MCPH1: variants seen among roughly 807,000 people sequenced by gnomAD.
MCPH1 encodes the protein microcephalin 1.
MCPH1 carries 104 observed loss-of-function variants against 84.5 expected under a neutral mutation model. The ratio of observed to expected loss-of-function variants is 1.23; its 90% CI spans 1.05 to 1.45. MCPH1 has a LOEUF of 1.45. MCPH1 is among the 40% of genes most tolerant of loss of function. MCPH1 has a pLI of 0.00. For missense variants in MCPH1, 1,498 were observed against 1,005.7 expected (o/e 1.49, Z -6.62); for synonymous variants, 514 against 366.8 (o/e 1.40, Z -4.58).
intron 12 of MCPH1, among the ~76,000 whole-genome samples, chr8:6,603,131 C>T (rs1829498967): frequency 6.6e-6 from 1 of 152,060 alleles, no homozygotes; most frequent in Non-Finnish European, 1.5e-5. Context: ...TAAGAAAAGT[C>T]AAATCAGAAA....
intron 12 of MCPH1, among the ~76,000 whole-genome samples, chr8:6,571,589 T>C (rs1009194656): frequency 6.6e-6 from 1 of 152,194 alleles, no homozygotes; most frequent in African/African-American, 2.4e-5. Context: ...AAAATTTTTA[T>C]CTTAATTATT....
chr8:6,632,354 C>T (rs188654413), intron 13 of MCPH1, among the ~76,000 whole-genome samples: 215 of 152,158 alleles, frequency 1.4e-3, no homozygotes, highest in African/African-American at 4.9e-3. Flanking sequence ...TTATGTCTAT[C>T]AAACTTTTAA....
In MCPH1 at chr8:6,445,096, G is replaced by A; in HGVS notation, c.1374G>A (p.Met458Ile). Reference protein sequence around the residue: ...SKKERTSIFEMSDFSCVGKKT... With the variant: ...SKKERTSIFEISDFSCVGKKT... ...AGGAGAGAACAAGCATATTTGAAAT[G>A]TCTGATTTTTCCTGCGTTGGCAAAA... The change falls in exon 8 of 14, where the codon ATG becomes ATA. Residue 458 changes from methionine to isoleucine, a missense_variant. Physicochemically the swap from Met to Ile is conservative, Grantham distance 10. Transcript: ENST00000344683. The A allele has an allele frequency of 6.2e-7, 1 of 1,614,250 alleles. No individual in the cohort carries two copies. The highest frequency in any genetic ancestry group is 1.1e-5 in the South Asian group (1 of 91,092).
intron 12 of MCPH1, among the ~76,000 whole-genome samples, chr8:6,554,638 A>C (rs1009644786): frequency 1.3e-5 from 2 of 152,210 alleles, no homozygotes; most frequent in Non-Finnish European, 2.9e-5. Context: ...TTGTGGTGGT[A>C]AGTTGTCAGG....
chr8:6,416,026 T>G (rs1799237935), intron 3 of MCPH1, among the ~76,000 whole-genome samples: 1 of 152,240 alleles, frequency 6.6e-6, no homozygotes, highest in South Asian at 2.1e-4. Context: ...TAGGTTAAAT[T>G]TATTCCTAAC....
chr8:6,567,368 G>A (rs544705834), intron 12 of MCPH1, among the ~76,000 whole-genome samples: 14 of 152,182 alleles, frequency 9.2e-5, no homozygotes, highest in East Asian at 3.9e-4. Context: ...TGTTTGATCG[G>A]CAAGGCCATG....
At chr8:6,595,080 C>A (rs1342361608) in intron 12 of MCPH1, among the ~76,000 whole-genome samples, 1 of 152,166 alleles carries the variant, frequency 6.6e-6, no homozygotes, top group African/African-American at 2.4e-5. Flanking sequence ...TTACTGACTT[C>A]GCACAAATCA....
At chr8:6,424,008 G>C (rs1031660274) in intron 3 of MCPH1, among the ~76,000 whole-genome samples, 8 of 152,048 alleles carry the variant, frequency 5.3e-5, no homozygotes, top group African/African-American at 1.9e-4. Flanking sequence ...GTCCTTTCTT[G>C]GTGAACTGCC....
chr8:6,542,734 G>A (rs761808133), intron 12 of MCPH1, among the ~76,000 whole-genome samples: 5 of 152,054 alleles, frequency 3.3e-5, no homozygotes, highest in Non-Finnish European at 7.4e-5. Flanking sequence ...TGTTACATGG[G>A]TTTGCCAAAA....
At chr8:6,511,443 G>A (rs985309834) in intron 12 of MCPH1, among the ~76,000 whole-genome samples, 25 of 152,172 alleles carry the variant, frequency 1.6e-4, no homozygotes, top group Admixed American at 8.5e-4. Context: ...TTTAATGTAC[G>A]CATAGCTTTT....
At chr8:6,617,820 G>T (rs953885147) in intron 12 of MCPH1, among the ~76,000 whole-genome samples, 1 of 152,030 alleles carries the variant, frequency 6.6e-6, no homozygotes, top group African/African-American at 2.4e-5. Context: ...GAAACTATAG[G>T]CATGTGACAC....
rs755440475 is a variant in MCPH1, at chr8:6,455,186, A to C, written c.1869A>C (p.Ser623=). The change falls in exon 9 of 14, where the codon TCA becomes TCC. Residue 623 remains serine, a synonymous_variant. Coordinates refer to ENST00000344683, the MANE Select transcript of MCPH1 (RefSeq NM_024596.5). The part of the protein sequence containing the change: ...RPTRHDVLDD[S]CDGFKDLIKP... ...CAAGGCATGATGTTTTAGATGACTC[A>C]TGTGACGGCTTTAAGGACCTCATCA... 6.2e-7 allele frequency: 1 copy of C among 1,613,994 alleles called. No individual in the cohort carries two copies. Among genetic ancestry groups the C allele is most frequent in the African/African-American group, 1.3e-5 (1 of 75,046 alleles).
intron 12 of MCPH1, chr8:6,514,692 C>G: frequency 6.2e-7 from 1 of 1,614,044 alleles, no homozygotes; most frequent in Non-Finnish European, 8.5e-7. Flanking sequence ...TATATTCTTT[C>G]CAAGTCCTCT....
At chr8:6,429,942 G>A (rs1455722007) in intron 3 of MCPH1, among the ~76,000 whole-genome samples, 1 of 152,186 alleles carries the variant, frequency 6.6e-6, no homozygotes, top group African/African-American at 2.4e-5. Flanking sequence ...GGAATCACAT[G>A]AATTCTTTTT....
chr8:6,492,649 T>C lies in MCPH1; in HGVS notation c.2137-7203T>C, dbSNP rs1192009034. 2.7e-5 allele frequency among the ~76,000 whole-genome samples: 4 copies of C among 148,068 alleles called. No homozygotes were observed. The South Asian group carries it at 8.4e-4, about 31-fold the overall frequency. Reference sequence around the variant, plus strand: ...AATAACAATTATTTAATAATATTAATATTAAATAGTTAATATTAAATTTTT... The same window carrying C: ...AATAACAATTATTTAATAATATTAACATTAAATAGTTAATATTAAATTTTT... On this transcript the variant is annotated intron_variant, in intron 11 of 13. Coordinates refer to ENST00000344683, the MANE Select transcript of MCPH1 (RefSeq NM_024596.5).
At chr8:6,470,447 G>A (rs1807572318) in intron 9 of MCPH1, among the ~76,000 whole-genome samples, 1 of 152,034 alleles carries the variant, frequency 6.6e-6, no homozygotes, top group African/African-American at 2.4e-5. Flanking sequence ...ACCACACCCA[G>A]CTAATTTTTG....
chr8:6,483,776 C>G (rs574722428), intron 11 of MCPH1, among the ~76,000 whole-genome samples: 6 of 152,266 alleles, frequency 3.9e-5, no homozygotes, highest in Admixed American at 2.0e-4. Flanking sequence ...ACAAGAATCA[C>G]TTAAACCGGT....
chr8:6,530,400 G>A (rs538809676), intron 12 of MCPH1, among the ~76,000 whole-genome samples: 4 of 151,380 alleles, frequency 2.6e-5, no homozygotes, highest in Admixed American at 6.6e-5. Context: ...TCCCAGCTAC[G>A]CGGGAGGCTA....
intron 12 of MCPH1, among the ~76,000 whole-genome samples, chr8:6,583,849 C>CTTTTTTTT (rs1827767274): frequency 1.0e-5 from 1 of 97,734 alleles, no homozygotes. Context: ...GTGTTCATTT[C>CTTTTTTTT]TTGTTTTGTT....
Sources: gnomAD v4.1 joint callset for allele counts (sites outside exome capture counted in the v4.1 genomes callset) on GRCh38, gnomAD v4.1.1 for gene constraint, MANE v1.5 for transcripts, NCBI Gene and HGNC (gene_info 2026-07-23, HGNC 2026-07-21) for gene names.